MMP26: variants seen among roughly 807,000 people sequenced by gnomAD.
MMP26 encodes the protein matrix metalloproteinase-26.
A neutral mutation model predicts 31.0 loss-of-function variants in MMP26; 33 were observed. That is an observed-to-expected ratio of 1.06 (90% CI 0.81 to 1.42). MMP26 has a LOEUF of 1.42. Among genes scored for constraint, MMP26 ranks in the 40% most tolerant of loss-of-function variants. The pLI, the probability that MMP26 is intolerant of heterozygous loss-of-function variation, is 0.00. For missense variants in MMP26, 347 were observed against 316.1 expected (o/e 1.10, Z -0.74); for synonymous variants, 122 against 114.9 (o/e 1.06, Z -0.40).
intron 2 of MMP26, among the ~76,000 whole-genome samples, chr11:4,878,964 G>A (rs943451207): frequency 6.6e-6 from 1 of 152,088 alleles, no homozygotes; most frequent in African/African-American, 2.4e-5. Context: ...GGCCGGGCGC[G>A]GTGGCTTACA....
intron 2 of MMP26, among the ~76,000 whole-genome samples, chr11:4,841,942 T>C (rs375034765): frequency 2.0e-4 from 31 of 151,800 alleles, no homozygotes; most frequent in African/African-American, 5.8e-4. Context: ...TCAAAGGGAG[T>C]TCTTTAATCT....
chr11:4,790,995 C>T (rs74921338), intron 2 of MMP26, among the ~76,000 whole-genome samples: 425 of 152,278 alleles, frequency 2.8e-3, no homozygotes, highest in African/African-American at 9.8e-3. Context: ...CATTATGCTG[C>T]CTTATATTTA....
intron 1 of MMP26, chr11:4,710,828 T>C (rs142538850): frequency 1.2e-3 from 226 of 180,846 alleles, no homozygotes; most frequent in Non-Finnish European, 1.9e-3. Flanking sequence ...CTAGAGCATG[T>C]AGCTATCCAA....
intron 2 of MMP26, chr11:4,786,875 T>A (rs1367508507): frequency 6.6e-6 from 1 of 152,404 alleles, no homozygotes; most frequent in African/African-American, 2.4e-5. Flanking sequence ...ACAGTTGCTC[T>A]CTTAGGGAAC....
intron 2 of MMP26, among the ~76,000 whole-genome samples, chr11:4,979,249 G>C (rs769666065): frequency 1.3e-5 from 2 of 152,078 alleles, no homozygotes; most frequent in Non-Finnish European, 2.9e-5. Flanking sequence ...GAGAATTTGC[G>C]AGCCCTTGCC....
chr11:4,799,374 G>T lies in MMP26; in HGVS notation c.-145+32033G>T, dbSNP rs116747344. The stretch of plus-strand genomic sequence containing the variant: ...AATGGGAGCAGGAGAGAGAAGGGGG[G>T]GGTCTCAGGCTCTATTAAACAAGAA... On this transcript the variant is annotated intron_variant, in intron 2 of 7. Transcript: ENST00000380390. 4.7e-3 allele frequency among the ~76,000 whole-genome samples: 716 copies of T among 152,024 alleles called. 4 individuals carry two copies. The highest frequency in any genetic ancestry group is 0.016 in the African/African-American group (646 of 41,446).
intron 2 of MMP26, among the ~76,000 whole-genome samples, chr11:4,815,298 G>A (rs1849405831): frequency 6.6e-6 from 1 of 152,168 alleles, no homozygotes; most frequent in African/African-American, 2.4e-5. Flanking sequence ...TTCCACACCT[G>A]TGAAGATAAG....
chr11:4,822,765 T>C (rs1483007191), intron 2 of MMP26, among the ~76,000 whole-genome samples: 1 of 152,222 alleles, frequency 6.6e-6, no homozygotes, highest in African/African-American at 2.4e-5. Flanking sequence ...CTTGAAATTC[T>C]TGATTATATA....
chr11:4,969,395 G>C (rs1846636600), intron 2 of MMP26, among the ~76,000 whole-genome samples: 1 of 151,876 alleles, frequency 6.6e-6, no homozygotes, highest in Admixed American at 6.6e-5. Flanking sequence ...TATTATTAAT[G>C]AAACTTAGCC....
At chr11:4,986,511 ATTTTTTTTTTTTTTTTT>A (rs58016783) in intron 2 of MMP26, among the ~76,000 whole-genome samples, 52 of 31,634 alleles carry the variant, frequency 1.6e-3, no homozygotes, top group African/African-American at 4.9e-3. Flanking sequence ...TGCCCAGTCG[ATTTTTTTTTTTTTTTTT>A]TTTTTTTTTT....
chr11:4,798,241 C>T (rs1241599230), intron 2 of MMP26, among the ~76,000 whole-genome samples: 5 of 152,218 alleles, frequency 3.3e-5, no homozygotes, highest in Non-Finnish European at 2.9e-5. Context: ...TCTCTTTACA[C>T]ATCACCTGGA....
chr11:4,843,406 C>G (rs550067881), intron 2 of MMP26, among the ~76,000 whole-genome samples: 55 of 152,358 alleles, frequency 3.6e-4, no homozygotes, highest in Admixed American at 2.7e-3. Flanking sequence ...GCTCCCAAAC[C>G]TAAACTCTTG....
At chr11:4,709,361 A>G (rs1000866605) in intron 1 of MMP26, among the ~76,000 whole-genome samples, 7 of 152,184 alleles carry the variant, frequency 4.6e-5, no homozygotes, top group Non-Finnish European at 8.8e-5. Context: ...GTTTCTTTAC[A>G]CAATTTAGTG....
chr11:4,741,436 T>C (rs1272472651), intron 1 of MMP26, among the ~76,000 whole-genome samples: 1 of 152,032 alleles, frequency 6.6e-6, no homozygotes, highest in African/African-American at 2.4e-5. Flanking sequence ...GTAAAGAAAA[T>C]ATGGTACATA....
intron 1 of MMP26, among the ~76,000 whole-genome samples, chr11:4,707,531 T>C (rs1847796237): frequency 6.6e-6 from 1 of 152,212 alleles, no homozygotes; most frequent in African/African-American, 2.4e-5. Flanking sequence ...AAAGAGTGTA[T>C]GACCTTGAGG....
intron 2 of MMP26, among the ~76,000 whole-genome samples, chr11:4,863,397 C>G (rs927321369): frequency 1.3e-5 from 2 of 151,948 alleles, no homozygotes; most frequent in South Asian, 4.2e-4. Flanking sequence ...TAGTATATGT[C>G]TTCTTCTTTT....
intron 2 of MMP26, among the ~76,000 whole-genome samples, chr11:4,926,898 G>C (rs188633338): frequency 1.1e-4 from 16 of 152,306 alleles, no homozygotes; most frequent in Non-Finnish European, 5.9e-5. Flanking sequence ...AAATGTATGA[G>C]TGAATGGATA....
chr11:4,940,306 C>T (rs975928989), intron 2 of MMP26, among the ~76,000 whole-genome samples: 3 of 152,100 alleles, frequency 2.0e-5, no homozygotes, highest in Non-Finnish European at 2.9e-5. Flanking sequence ...TAATACTTCC[C>T]CAGACACATA....
Position 4,919,742 on chromosome 11 carries a change from A to T in MMP26, c.-144-68326A>T, listed in dbSNP as rs574321390. ...AGTGAATTTAAAAAGGGATTTTTTT[A>T]AATTGAATGCTTTCTCCATCACCAA... On this transcript the variant is annotated intron_variant, in intron 2 of 7. Transcript: ENST00000380390. Among the ~76,000 whole-genome samples the T allele has an allele frequency of 5.3e-5, 8 of 152,298 alleles. No homozygotes were observed. In the East Asian group the frequency reaches 9.7e-4, roughly 18 times the overall value.
Sources: allele counts gnomAD v4.1 joint callset (sites outside exome capture counted in the v4.1 genomes callset), GRCh38; gene constraint gnomAD v4.1.1; transcripts MANE v1.5; gene names NCBI Gene and HGNC (gene_info 2026-07-23, HGNC 2026-07-21).